The following MYOM1 variants were observed in gnomAD, a reference collection of about 807,000 sequenced individuals.
MYOM1 encodes myomesin-1.
In MYOM1, 164 loss-of-function variants were observed where a neutral mutation model predicts 205.3. The observed-to-expected ratio is 0.80, with a 90% confidence interval of 0.70 to 0.91. The LOEUF is 0.91. Ranked by LOEUF, MYOM1 falls within the 40% of genes least tolerant of loss-of-function variation. The probability of loss-of-function intolerance (pLI) is 0.00; values close to 1 mark genes in which losing one functional copy is unlikely to be tolerated. For synonymous variants in MYOM1, 772 were observed against 789.4 expected (o/e 0.98, Z 0.37); for missense variants, 2,011 against 2,127.3 (o/e 0.95, Z 1.08).
At chr18:3,203,749 T>C (rs1315340656) in intron 2 of MYOM1, among the ~76,000 whole-genome samples, 2 of 149,366 alleles carry the variant, frequency 1.3e-5, no homozygotes, top group Non-Finnish European at 3.0e-5. Flanking sequence ...TTTCCAAAAA[T>C]AGAGAAGGGA....
At chr18:3,140,922 G>A (rs11660446) in intron 14 of MYOM1, among the ~76,000 whole-genome samples, 8,758 of 152,088 alleles carry the variant, frequency 0.058, 332 homozygotes, top group Non-Finnish European at 0.082. Context: ...TTCATTTATT[G>A]TTCTAAAAAA....
chr18:3,086,660 C>T (rs74420918), intron 29 of MYOM1, among the ~76,000 whole-genome samples: 11,229 of 146,984 alleles, frequency 0.076, 431 homozygotes, highest in South Asian at 0.084. Flanking sequence ...TTAGCAATTT[C>T]GAGGAGACTC....
At chr18:3,076,336 G>A (rs991776581) in intron 34 of MYOM1, among the ~76,000 whole-genome samples, 2 of 152,178 alleles carry the variant, frequency 1.3e-5, no homozygotes, top group African/African-American at 4.8e-5. Flanking sequence ...CCAAAGTGCT[G>A]GGATTACAGG....
chr18:3,087,488 CTT>C (rs5822735), intron 29 of MYOM1, among the ~76,000 whole-genome samples: 61 of 122,640 alleles, frequency 5.0e-4, no homozygotes, highest in South Asian at 7.9e-4. Flanking sequence ...CTCCTACGTT[CTT>C]TTTTTTTTTT....
intron 12 of MYOM1, among the ~76,000 whole-genome samples, chr18:3,150,846 G>A (rs531068588): frequency 3.9e-5 from 6 of 152,124 alleles, no homozygotes; most frequent in Non-Finnish European, 8.8e-5. Flanking sequence ...ACAGGGTCTT[G>A]CTCTGTTGCC....
At chr18:3,107,906 A>C (rs1303951424) in intron 22 of MYOM1, among the ~76,000 whole-genome samples, 1 of 152,220 alleles carries the variant, frequency 6.6e-6, no homozygotes, top group East Asian at 1.9e-4. Context: ...AGACAGGTGT[A>C]GTTTCTATTA....
intron 4 of MYOM1, 26 bp from the exon 5 acceptor site, chr18:3,187,663 C>T: frequency 6.4e-7 from 1 of 1,551,778 alleles, no homozygotes; most frequent in Non-Finnish European, 8.8e-7. Flanking sequence ...TGCAAACAAA[C>T]ATATTACCAA....
At chr18:3,079,510 G>C (rs1022268180) in intron 33 of MYOM1, among the ~76,000 whole-genome samples, 168 bp from the exon 34 acceptor site, 3 of 151,956 alleles carry the variant, frequency 2.0e-5, no homozygotes, top group African/African-American at 7.2e-5. Flanking sequence ...ATGACACACA[G>C]AACCGGGATT....
At chr18:3,069,848 G>A (rs866349788) in intron 37 of MYOM1, among the ~76,000 whole-genome samples, 3 of 152,136 alleles carry the variant, frequency 2.0e-5, no homozygotes, top group African/African-American at 2.4e-5. Context: ...TTCTCAGTAC[G>A]ACCTAGAGAG....
intron 19 of MYOM1, among the ~76,000 whole-genome samples, chr18:3,124,379 T>C (rs1283388018): frequency 6.8e-6 from 1 of 147,558 alleles, no homozygotes; most frequent in Non-Finnish European, 1.5e-5. Context: ...CTTGGCTCAC[T>C]GCAAGCTCCG....
chr18:3,191,951 C>T (rs1183130954), intron 3 of MYOM1, among the ~76,000 whole-genome samples: 2 of 152,148 alleles, frequency 1.3e-5, no homozygotes, highest in Non-Finnish European at 1.5e-5. Context: ...CCGCCTCAGC[C>T]TCCCAAAGTG....
At chr18:3,178,714 CT>C (rs1418902844) in intron 5 of MYOM1, among the ~76,000 whole-genome samples, 2 of 152,216 alleles carry the variant, frequency 1.3e-5, no homozygotes, top group Admixed American at 6.5e-5. Context: ...AAACTCTTCC[CT>C]AAAATATGAC....
intron 21 of MYOM1, among the ~76,000 whole-genome samples, chr18:3,116,043 G>A (rs750566367): frequency 2.0e-5 from 3 of 152,190 alleles, no homozygotes; most frequent in Non-Finnish European, 4.4e-5. Context: ...AAGACTATGA[G>A]TAACAAAAAT....
the MYOM1 span, chr18:3,246,476 G>C: frequency 6.6e-6 from 1 of 152,144 alleles, no homozygotes; most frequent in Non-Finnish European, 1.5e-5. Context: ...GGAAGTTTGG[G>C]AAACAGATCA....
chr18:3,099,499 G>A (rs773346628), intron 25 of MYOM1, among the ~76,000 whole-genome samples: 2 of 152,216 alleles, frequency 1.3e-5, no homozygotes, highest in African/African-American at 4.8e-5. Context: ...CTTTCTGGAT[G>A]CTTCACTACC....
At position 3,159,840 on chromosome 18, in the gene MYOM1, G is replaced by T. The variant is rs542627990; in HGVS notation, c.1501+4438C>A. ...TTATGGGAGAGGGAAATAGGGAGGA[G>T]AAATCTTTTTGGGGTGATGTAAATT... On this transcript the variant is annotated intron_variant, in intron 10 of 37. Coordinates refer to ENST00000356443, the MANE Select transcript of MYOM1 (RefSeq NM_003803.4). Among the ~76,000 whole-genome samples the T allele has an allele frequency of 5.7e-4, 87 of 152,096 alleles. No homozygotes were observed. In the South Asian group the frequency reaches 0.016, roughly 29 times the overall value.
intron 10 of MYOM1, among the ~76,000 whole-genome samples, chr18:3,162,711 G>A (rs528607295): frequency 2.3e-4 from 35 of 152,246 alleles, no homozygotes; most frequent in African/African-American, 5.3e-4. Context: ...TATTCCACAT[G>A]TGCATATCCA....
chr18:3,175,447 T>C (rs1466076303), intron 6 of MYOM1, among the ~76,000 whole-genome samples: 2 of 152,048 alleles, frequency 1.3e-5, no homozygotes, highest in Admixed American at 1.3e-4. Context: ...CTTAGGAATT[T>C]TGATGTAGGT....
At chr18:3,081,169 T>C (rs949436556) in intron 33 of MYOM1, among the ~76,000 whole-genome samples, 5 of 152,194 alleles carry the variant, frequency 3.3e-5, no homozygotes, top group Non-Finnish European at 5.9e-5. Context: ...ACAGAAAGAT[T>C]GTCCTCTGCT....
Sources: allele counts gnomAD v4.1 joint callset (sites outside exome capture counted in the v4.1 genomes callset), GRCh38; gene constraint gnomAD v4.1.1; transcripts MANE v1.5; gene names NCBI Gene and HGNC (gene_info 2026-07-23, HGNC 2026-07-21).